PDS5B: variants seen among roughly 807,000 people sequenced by gnomAD.
PDS5B encodes the protein sister chromatid cohesion protein PDS5 homolog B.
PDS5B carries 51 observed loss-of-function variants against 184.1 expected under a neutral mutation model. The ratio of observed to expected loss-of-function variants is 0.28; its 90% confidence interval spans 0.22 to 0.35. The LOEUF is 0.35. Ranked by LOEUF, PDS5B falls within the 10% of genes least tolerant of loss-of-function variation. The pLI, the probability that PDS5B is intolerant of heterozygous loss-of-function variation, is 1.00. For missense variants in PDS5B, 1,180 were observed against 1,723.3 expected (o/e 0.68, Z 5.58); for synonymous variants, 566 against 569.2 (o/e 0.99, Z 0.08).
intron 15 of PDS5B, among the ~76,000 whole-genome samples, chr13:32,698,696 A>G (rs1041938102): frequency 9.2e-5 from 14 of 151,824 alleles, no homozygotes; most frequent in African/African-American, 2.2e-4. Flanking sequence ...TACATTTACT[A>G]TGTTCATATT....
intron 19 of PDS5B, among the ~76,000 whole-genome samples, chr13:32,728,352 A>G (rs1430269429): frequency 2.6e-5 from 4 of 152,162 alleles, no homozygotes; most frequent in Admixed American, 6.5e-5. Flanking sequence ...GCTTTCTACT[A>G]TGTCTAGTAG....
chr13:32,680,187 G>C (rs73448664), intron 10 of PDS5B, among the ~76,000 whole-genome samples: 4 of 151,886 alleles, frequency 2.6e-5, no homozygotes, highest in African/African-American at 4.8e-5. Context: ...AGAGTGGGGG[G>C]GCTAAATCAA....
chr13:32,656,282 T>TTG (rs938276622), intron 3 of PDS5B, among the ~76,000 whole-genome samples: 2 of 149,440 alleles, frequency 1.3e-5, no homozygotes, highest in East Asian at 3.9e-4. Flanking sequence ...TCTTTTTTTT[T>TTG]TTTTTTTTTT....
chr13:32,679,898 T>TGA (rs1951187292), intron 10 of PDS5B, among the ~76,000 whole-genome samples: 1 of 140,710 alleles, frequency 7.1e-6, no homozygotes, highest in Admixed American at 7.2e-5. Context: ...TGTGTGTGTG[T>TGA]GTGTGTGTGT....
At position 32,746,108 on chromosome 13, in the gene PDS5B, A is replaced by G. The variant is rs1200347927; in HGVS notation, c.2736+8A>G. 6.2e-7 allele frequency: 1 copy of G among 1,610,510 alleles called. No individual in the cohort carries two copies. Among genetic ancestry groups the G allele is most frequent in the Admixed American group, 1.7e-5 (1 of 59,772 alleles). ...TGTGCATTAGCTATCAACGTAAGGA[A>G]ATGGCTGTGTACAACTACTTTTTGA... On this transcript the variant is annotated splice_region_variant and intron_variant, in intron 24 of 34. Transcript: ENST00000315596.
chr13:32,766,868 A>C (rs767854499), intron 31 of PDS5B, among the ~76,000 whole-genome samples: 6 of 152,220 alleles, frequency 3.9e-5, no homozygotes, highest in African/African-American at 9.6e-5. Context: ...CAGAGCTTAA[A>C]GGAAATCATC....
chr13:32,762,296 G>T (rs1056234735), intron 30 of PDS5B, among the ~76,000 whole-genome samples: 2 of 152,172 alleles, frequency 1.3e-5, no homozygotes, highest in Non-Finnish European at 2.9e-5. Context: ...ATTATTAAAA[G>T]ACTGTACTGT....
At chr13:32,756,747 A>C (rs977371836) in intron 26 of PDS5B, among the ~76,000 whole-genome samples, 1 of 152,212 alleles carries the variant, frequency 6.6e-6, no homozygotes, top group Non-Finnish European at 1.5e-5. Context: ...TCAGGAGAAT[A>C]AAATCAAATT....
chr13:32,745,611 A>T (rs1047268223), intron 23 of PDS5B, among the ~76,000 whole-genome samples: 4 of 152,210 alleles, frequency 2.6e-5, no homozygotes, highest in African/African-American at 9.6e-5. Flanking sequence ...ATCCAAGATC[A>T]GGGTGCCAGC....
chr13:32,638,992 G>A (rs17077701), intron 1 of PDS5B, among the ~76,000 whole-genome samples: 1,864 of 152,098 alleles, frequency 0.012, 47 homozygotes, highest in African/African-American at 0.042. Context: ...GTACAAGAAT[G>A]TGTGTTGGAG....
At chr13:32,691,890 AAATTTTCTTATCTTTAATTTTCCTG>A (rs1468484142) in intron 13 of PDS5B, among the ~76,000 whole-genome samples, 1 of 152,094 alleles carries the variant, frequency 6.6e-6, no homozygotes, top group Non-Finnish European at 1.5e-5. Flanking sequence ...TATGAGTATC[AAATTTTCTTATCTTTAATTTTCCTG>A]AATGCAGGTA....
chr13:32,744,979 A>C (rs1337024707), intron 23 of PDS5B, among the ~76,000 whole-genome samples: 1 of 152,072 alleles, frequency 6.6e-6, no homozygotes, highest in Non-Finnish European at 1.5e-5. Context: ...AGGAGTTACA[A>C]CTTCTCCCTC....
rs138753418 is a variant in PDS5B at position 32,598,924 on chromosome 13, C to A, written c.-20+12331C>A. The stretch of plus-strand genomic sequence containing the variant: ...TAGCTGGGACTATAGGCGCCTGCCA[C>A]GGCGCCCAGCTAATTTTTTGTATTT... On this transcript the variant is annotated intron_variant, in intron 1 of 34. Coordinates refer to ENST00000315596, the MANE Select transcript of PDS5B (RefSeq NM_015032.4). 4.6e-4 allele frequency among the ~76,000 whole-genome samples: 70 copies of A among 151,892 alleles called. No homozygotes were observed. The East Asian group carries it at 9.9e-3, about 22-fold the overall frequency.
rs1346305808 is a variant in PDS5B, at chr13:32,746,743, G to A, written c.2736+643G>A. On this transcript the variant is annotated intron_variant, in intron 24 of 34. Coordinates refer to ENST00000315596, the MANE Select transcript of PDS5B (RefSeq NM_015032.4). The stretch of plus-strand genomic sequence containing the variant: ...AAAAGGACACTGTTTACGTATGAAA[G>A]CTGAAACAAGAAGGCACAGTGTTGC... 3.3e-5 allele frequency among the ~76,000 whole-genome samples: 5 copies of A among 152,322 alleles called. No individual in the cohort carries two copies. In the East Asian group the frequency reaches 9.6e-4, roughly 29 times the overall value.
chr13:32,747,696 A>G (rs1456947960), intron 24 of PDS5B, among the ~76,000 whole-genome samples: 1 of 152,210 alleles, frequency 6.6e-6, no homozygotes, highest in Non-Finnish European at 1.5e-5. Flanking sequence ...TTTAAAAAGC[A>G]TCTATCACGT....
intron 9 of PDS5B, among the ~76,000 whole-genome samples, chr13:32,676,932 CAAAAAA>C (rs4057303): frequency 7.6e-5 from 6 of 78,814 alleles, no homozygotes; most frequent in African/African-American, 2.5e-4. Flanking sequence ...CTCTTGTCTC[CAAAAAA>C]AAAAAAAAAA....
Position 32,755,845 on chromosome 13 carries a change from A to G in PDS5B, c.2945A>G (p.Lys982Arg), listed in dbSNP as rs1347734811. The G allele has an allele frequency of 1.5e-6, 2 of 1,313,984 alleles. No individual in the cohort carries two copies. Among genetic ancestry groups the G allele is most frequent in the Non-Finnish European group, 2.1e-6 (2 of 957,334 alleles). 81.4% of individuals were successfully genotyped at this position (1,313,984 alleles called of 1,614,324 possible). Residue 982 changes from lysine (K) to arginine (R), a missense_variant, in exon 26 of 35, where the codon AAA (lysine) becomes AGA (arginine). Around this residue, in one of 11 missense-constraint regions of PDS5B, gnomAD observed 57 missense variants for 80.9 expected, o/e 0.70. Transcript: ENST00000315596. The stretch of plus-strand genomic sequence containing the variant: ...GTTTGTTTGTTTTCTTTTTCAGAAA[A>G]ATTATTGTCTCTTCTACCAGAGTAT... ...YLKQHAAVSE[K>R]LLSLLPEYVV...
intron 1 of PDS5B, among the ~76,000 whole-genome samples, chr13:32,613,352 T>C (rs1400439498): frequency 6.6e-6 from 1 of 152,230 alleles, no homozygotes; most frequent in Non-Finnish European, 1.5e-5. Flanking sequence ...TTACATTCCC[T>C]CCAGCAGTGC....
At chr13:32,662,374 C>G (rs560618205) in intron 6 of PDS5B, among the ~76,000 whole-genome samples, 3 of 152,004 alleles carry the variant, frequency 2.0e-5, no homozygotes, top group South Asian at 4.1e-4. Flanking sequence ...GTTTTAGTGA[C>G]TATAAATCAG....
Sources: allele counts gnomAD v4.1 joint callset (sites outside exome capture counted in the v4.1 genomes callset), GRCh38; gene constraint gnomAD v4.1.1; regional missense constraint gnomAD v4.1.1; transcripts MANE v1.5; gene names NCBI Gene and HGNC (gene_info 2026-07-23, HGNC 2026-07-21).